Variants in GALNT13 observed in about 807,000 individuals in gnomAD.
GALNT13 encodes the protein polypeptide N-acetylgalactosaminyltransferase 13.
GALNT13 carries 28 observed loss-of-function variants against 64.2 expected under a neutral mutation model. That is an observed-to-expected ratio of 0.44 (90% CI 0.32 to 0.60). GALNT13 has a LOEUF of 0.60. Ranked by LOEUF, GALNT13 falls within the 20% of genes least tolerant of loss-of-function variation. The probability of loss-of-function intolerance (pLI) is 0.05; values close to 1 mark genes in which losing one functional copy is unlikely to be tolerated. For missense variants in GALNT13, 577 were observed against 669.8 expected, an observed-to-expected ratio of 0.86 and a Z score of 1.53; for synonymous variants, 214 against 224.6, an observed-to-expected ratio of 0.95 and a Z score of 0.42.
At chr2:153,818,418 C>T in the GALNT13 span, among the ~76,000 whole-genome samples, 15 of 152,148 alleles carry the variant, frequency 9.9e-5, no homozygotes, top group African/African-American at 3.1e-4. Context: ...GCAAGGCTCC[C>T]TGTGCAGCAA....
At chr2:153,162,987 G>A in the GALNT13 span, among the ~76,000 whole-genome samples, 2 of 152,270 alleles carry the variant, frequency 1.3e-5, no homozygotes, top group East Asian at 1.9e-4. Context: ...GCCTTTGAAA[G>A]GACAGTGAGG....
chr2:153,403,749 C>T, the GALNT13 span, among the ~76,000 whole-genome samples: 1 of 152,188 alleles, frequency 6.6e-6, no homozygotes, highest in African/African-American at 2.4e-5. Context: ...TGACCCCTTG[C>T]GCTTCCCAAG....
At chr2:154,201,536 G>A (rs1687171051) in intron 4 of GALNT13, among the ~76,000 whole-genome samples, 1 of 151,910 alleles carries the variant, frequency 6.6e-6, no homozygotes, top group African/African-American at 2.4e-5. Context: ...CATGCGATTG[G>A]GCCCCTTAGA....
intron 3 of GALNT13, among the ~76,000 whole-genome samples, chr2:154,130,684 GA>G (rs1203263835): frequency 1.3e-5 from 2 of 152,108 alleles, no homozygotes; most frequent in African/African-American, 4.8e-5. Flanking sequence ...GTTACATCCA[GA>G]AATTATTTTA....
chr2:153,410,313 C>A, the GALNT13 span, among the ~76,000 whole-genome samples: 4 of 152,090 alleles, frequency 2.6e-5, no homozygotes, highest in East Asian at 7.7e-4. Flanking sequence ...CCAGACTTAT[C>A]TAGAACTCCT....
At chr2:153,210,239 T>G in the GALNT13 span, among the ~76,000 whole-genome samples, 3 of 152,190 alleles carry the variant, frequency 2.0e-5, no homozygotes, top group African/African-American at 7.2e-5. Flanking sequence ...AGAGAGGACC[T>G]TCTTGCTTTG....
the GALNT13 span, among the ~76,000 whole-genome samples, chr2:153,163,860 ATAC>A: frequency 6.6e-6 from 1 of 151,902 alleles, no homozygotes; most frequent in East Asian, 1.9e-4. Flanking sequence ...TCTACTAAAA[ATAC>A]AAAAATTGGC....
chr2:154,399,981 C>T (rs1483489690), intron 10 of GALNT13, among the ~76,000 whole-genome samples: 1 of 152,080 alleles, frequency 6.6e-6, no homozygotes, highest in African/African-American at 2.4e-5. Context: ...CTGTAGTTTT[C>T]CACTTTAAAA....
At chr2:154,034,855 C>G (rs1409306026) in intron 3 of GALNT13, among the ~76,000 whole-genome samples, 1 of 148,404 alleles carries the variant, frequency 6.7e-6, no homozygotes, top group African/African-American at 2.6e-5. Context: ...TTAAAACCGT[C>G]GTGAGGTATC....
chr2:154,450,305 A>G lies in GALNT13; in HGVS notation c.1531-106A>G, dbSNP rs3755087. On this transcript the variant is annotated intron_variant, in intron 12 of 12. Transcript: ENST00000392825. ...TTTTACAAAGCTATCACAGTGTATT[A>G]TACTATAAAAATCATAAAGGATTTT... is the stretch of plus-strand genomic sequence containing the variant. 4.2e-6 allele frequency: 4 copies of G among 957,482 alleles called. No homozygotes were observed. In the East Asian group the frequency reaches 1.0e-4, roughly 25 times the overall value. 59.3% of individuals were successfully genotyped at this position (957,482 alleles called of 1,614,324 possible). A position where few individuals can be genotyped will look rare whatever the true frequency, so the allele number is the denominator to read the frequency against.
At chr2:154,162,558 G>A (rs1434832537) in intron 4 of GALNT13, among the ~76,000 whole-genome samples, 1 of 152,130 alleles carries the variant, frequency 6.6e-6, no homozygotes, top group African/African-American at 2.4e-5. Flanking sequence ...ACAACACCAT[G>A]TCTTCATATT....
the GALNT13 span, among the ~76,000 whole-genome samples, chr2:153,126,324 A>G: frequency 0.1 from 12,060 of 117,478 alleles, 1,065 homozygotes; most frequent in East Asian, 0.22. Context: ...ATATATATAT[A>G]TATATATATA....
chr2:153,637,621 A>G, the GALNT13 span, among the ~76,000 whole-genome samples: 10 of 152,282 alleles, frequency 6.6e-5, no homozygotes, highest in Admixed American at 5.9e-4. Flanking sequence ...CTTTAGATGC[A>G]TGTTATCAAT....
At chr2:153,382,829 T>C in the GALNT13 span, among the ~76,000 whole-genome samples, 1 of 152,066 alleles carries the variant, frequency 6.6e-6, no homozygotes, top group Non-Finnish European at 1.5e-5. Context: ...CATAACATAA[T>C]TATGTGACAA....
intron 3 of GALNT13, among the ~76,000 whole-genome samples, chr2:154,130,932 G>T (rs1277483342): frequency 6.6e-6 from 1 of 151,720 alleles, no homozygotes; most frequent in African/African-American, 2.4e-5. Context: ...AAAACATCTG[G>T]CAGCCAGATT....
the GALNT13 span, among the ~76,000 whole-genome samples, chr2:153,665,357 G>A: frequency 6.6e-6 from 1 of 152,162 alleles, no homozygotes; most frequent in East Asian, 1.9e-4. Context: ...TGAGGGCAAA[G>A]AGAAAGTAGA....
intron 3 of GALNT13, among the ~76,000 whole-genome samples, chr2:153,985,060 C>A (rs1300690502): frequency 1.3e-5 from 2 of 151,924 alleles, no homozygotes; most frequent in African/African-American, 4.8e-5. Flanking sequence ...GAAAACAGTT[C>A]CATCTGTGTT....
the GALNT13 span, among the ~76,000 whole-genome samples, chr2:153,520,717 C>A: frequency 1.3e-5 from 2 of 152,166 alleles, no homozygotes; most frequent in Non-Finnish European, 2.9e-5. Context: ...ATTTCAAAGA[C>A]ATTTTCTCTT....
chr2:153,212,721 G>A, the GALNT13 span, among the ~76,000 whole-genome samples: 2,420 of 152,140 alleles, frequency 0.016, 76 homozygotes, highest in African/African-American at 0.055. Context: ...TTTCTATGGT[G>A]GGAATCAAGG....
Sources: allele counts gnomAD v4.1 joint callset (sites outside exome capture counted in the v4.1 genomes callset), GRCh38; gene constraint gnomAD v4.1.1; transcripts MANE v1.5; gene names NCBI Gene and HGNC (gene_info 2026-07-23, HGNC 2026-07-21).